Variants in DNAH5 observed in about 807,000 individuals in gnomAD.
DNAH5 encodes dynein axonemal heavy chain 5.
Under a neutral mutation model 518.2 loss-of-function variants are expected in DNAH5, and 372 were observed. That is an observed-to-expected ratio of 0.72 (90% CI 0.66 to 0.78). The LOEUF (loss-of-function observed/expected upper bound fraction) is 0.78. Among genes scored for constraint, DNAH5 ranks in the 30% least tolerant of loss-of-function variants. The pLI is 0.00. For missense variants in DNAH5, 5,523 were observed against 5,687.0 expected, an observed-to-expected ratio of 0.97 and a Z score of 0.93; for synonymous variants, 2,039 against 2,025.9, an observed-to-expected ratio of 1.01 and a Z score of -0.17.
At chr5:13,940,008 A>G (rs1779311647) in intron 1 of DNAH5, among the ~76,000 whole-genome samples, 1 of 151,946 alleles carries the variant, frequency 6.6e-6, no homozygotes, top group Non-Finnish European at 1.5e-5. Flanking sequence ...CATCCTGTCT[A>G]TTTTTGCTGG....
intron 61 of DNAH5, among the ~76,000 whole-genome samples, chr5:13,756,961 G>C (rs1751079027): frequency 6.6e-6 from 1 of 152,156 alleles, no homozygotes. Flanking sequence ...GTGGCATTTG[G>C]TTTTTCAGTT....
Position 13,737,258 on chromosome 5 carries a change from T to G in DNAH5, c.11449A>C (p.Arg3817=). 6.2e-7 allele frequency: 1 copy of G among 1,614,126 alleles called. No homozygotes were observed. Among genetic ancestry groups the G allele is most frequent in the Non-Finnish European group, 8.5e-7 (1 of 1,179,984 alleles). The change falls in exon 66 of 79, where the codon AGA becomes CGA. Residue 3817 remains arginine, a synonymous_variant. Coordinates refer to ENST00000265104, the MANE Select transcript of DNAH5 (RefSeq NM_001369.3). The part of the protein sequence containing the change: ...VQINSAREEY[R]PVATRGSILY... ...CTTTCATTACCAAACTCACCAGGTCTGTATTCCTCCCGGGCTGAGTTAATT... is the reference window on the plus strand; with the variant it reads ...CTTTCATTACCAAACTCACCAGGTCGGTATTCCTCCCGGGCTGAGTTAATT...
chr5:13,831,134 ACCC>A (rs1350541231), intron 35 of DNAH5, among the ~76,000 whole-genome samples: 3 of 152,204 alleles, frequency 2.0e-5, no homozygotes, highest in African/African-American at 4.8e-5. Flanking sequence ...GCAGAAATCT[ACCC>A]CCATCTAAAA....
chr5:14,000,360 C>G (rs1784268410), intron 1 of DNAH5, among the ~76,000 whole-genome samples: 1 of 152,214 alleles, frequency 6.6e-6, no homozygotes, highest in Admixed American at 6.5e-5. Flanking sequence ...ACGGCCCTTG[C>G]CAACACCTGG....
chr5:13,789,493 A>G (rs1024861161), intron 50 of DNAH5, among the ~76,000 whole-genome samples: 2 of 152,248 alleles, frequency 1.3e-5, no homozygotes, highest in African/African-American at 4.8e-5. Flanking sequence ...TATGTAAGCA[A>G]GAATAACAAA....
chr5:13,776,655 C>A lies in DNAH5; in HGVS notation c.9157G>T (p.Ala3053Ser), dbSNP rs1244861228. Residue 3053 changes from alanine (A) to serine (S), a missense_variant, in exon 55 of 79, where the codon GCA becomes TCA. Physicochemically the swap from Ala to Ser is moderately conservative, Grantham distance 99 (BLOSUM62 1). Coordinates refer to ENST00000265104, the MANE Select transcript of DNAH5 (RefSeq NM_001369.3). ...DEIDEINSDL[A>S]SVMKKEFPRC... ...GGGAATTCTTTTTTCATGACTGATG[C>A]CAGGTCGCTATTAATTTCATCAATT... 6.2e-7 allele frequency: 1 copy of A among 1,613,756 alleles called. No homozygotes were observed. Among genetic ancestry groups the A allele is most frequent in the South Asian group, 1.1e-5 (1 of 91,074 alleles).
intron 25 of DNAH5, among the ~76,000 whole-genome samples, chr5:13,866,574 A>T (rs927102672): frequency 2.0e-5 from 3 of 152,188 alleles, no homozygotes. Context: ...CCTGTTCTAT[A>T]AGAAGCACAT....
chr5:13,917,031 T>C, intron 8 of DNAH5, 112 bp downstream of exon 8: 1 of 830,668 alleles, frequency 1.2e-6, no homozygotes. Flanking sequence ...AAATAAAGTT[T>C]CTAAGACCTT....
Position 13,768,998 on chromosome 5 carries a change from C to T in DNAH5, c.9859G>A (p.Ala3287Thr), listed in dbSNP as rs750348620. 4 of 1,614,188 alleles carry T rather than the reference C, an allele frequency of 2.5e-6. No homozygotes were observed. The highest frequency in any genetic ancestry group is 4.5e-5 in the East Asian group (2 of 44,878). Reference protein sequence around the residue: ...KAIAEEKLEAAKPALEEAEAA... With the variant: ...KAIAEEKLEATKPALEEAEAA... ...TCTGCCTCTTCTAAAGCTGGTTTTG[C>T]TGCTTCCAGTTTTTCTTCAGCAATG... The change falls in exon 58 of 79, where the codon GCA becomes ACA. Residue 3287 changes from alanine (A) to threonine (T), a missense_variant. Ala to Thr is a moderately conservative substitution (Grantham distance 58, BLOSUM62 0). Around this residue, in one of 3 missense-constraint regions of DNAH5, gnomAD observed 5,121 missense variants for 5,223.3 expected, o/e 0.98. Coordinates refer to ENST00000265104, the MANE Select transcript of DNAH5 (RefSeq NM_001369.3).
rs775577387 is a variant in DNAH5 at position 13,830,608 on chromosome 5, C to T, written c.6050G>A (p.Arg2017Gln). 21 of 1,613,988 alleles carry T rather than the reference C, an allele frequency of 1.3e-5. 1 individual carries two copies. Among genetic ancestry groups the T allele is most frequent in the Admixed American group, 1.7e-5 (1 of 59,990 alleles). Residue 2017 changes from arginine to glutamine, a missense_variant, in exon 36 of 79, where the codon CGG becomes CAG. Arg to Gln is a conservative substitution (Grantham distance 43). Coordinates refer to ENST00000265104, the MANE Select transcript of DNAH5 (RefSeq NM_001369.3). Reference sequence around the variant, plus strand: ...AATATAACCCATACCCTTAAAAATCCGTCCAAGTCCTCGGAAATCCATCTG... The same window carrying T: ...AATATAACCCATACCCTTAAAAATCTGTCCAAGTCCTCGGAAATCCATCTG... ...SDQMDFRGLGRIFKGLAQSGS... is the reference protein window; with the variant it reads ...SDQMDFRGLGQIFKGLAQSGS...
intron 49 of DNAH5, among the ~76,000 whole-genome samples, chr5:13,792,519 C>T (rs2126902925): frequency 1.3e-5 from 2 of 152,232 alleles, no homozygotes; most frequent in South Asian, 4.1e-4. Context: ...CATGAAGTTA[C>T]CTTATAATAA....
In DNAH5 at chr5:13,786,284, G is replaced by C. The variant is rs778426195; in HGVS notation, c.8715C>G (p.His2905Gln). 2.5e-6 allele frequency: 4 copies of C among 1,613,702 alleles called. No homozygotes were observed. The African/African-American group carries it at 4.0e-5, about 16-fold the overall frequency. The change falls in exon 52 of 79, where the codon CAC becomes CAG. Residue 2905 changes from histidine (H) to glutamine (Q), a missense_variant. By Grantham distance (24) the His-to-Gln change is conservative. This residue lies in a region of DNAH5 where 5,121 missense variants were observed against 5,223.3 expected (regional missense o/e 0.98). Transcript: ENST00000265104. ...GGAACATATTCAGACGCTCTTTTAG[G>C]TGACTAAAAGATTCAATTGGCTCAT... ...KIYEPIESFSHLKERLNMFLQ... is the reference protein window; with the variant it reads ...KIYEPIESFSQLKERLNMFLQ...
chr5:13,785,103 A>G (rs1310840962), intron 52 of DNAH5, among the ~76,000 whole-genome samples: 2 of 152,094 alleles, frequency 1.3e-5, no homozygotes, highest in Non-Finnish European at 2.9e-5. Flanking sequence ...CATAATGTAG[A>G]ATCAGTGGGT....
In DNAH5 at chr5:13,850,735, C is replaced by A. The variant is rs1766718203; in HGVS notation, c.5031G>T (p.Gln1677His). Residue 1677 changes from glutamine to histidine, a missense_variant, in exon 31 of 79, where the codon CAG (glutamine) becomes CAT (histidine). Around this residue, in one of 3 missense-constraint regions of DNAH5, gnomAD observed 5,121 missense variants for 5,223.3 expected, o/e 0.98. Coordinates refer to ENST00000265104, the MANE Select transcript of DNAH5 (RefSeq NM_001369.3). ...CCAGGGTCTCATCTCCAACACAGCA[C>A]TGGACTACACTGGGCACTTCATGTG... ...TRAHEVPSVV[Q>H]CCVGDETLGQ... is the part of the protein sequence containing the mutation. The A allele has an allele frequency of 1.2e-6, 2 of 1,614,094 alleles. No homozygotes were observed. The highest frequency in any genetic ancestry group is 1.7e-6 in the Non-Finnish European group (2 of 1,179,964).
intron 38 of DNAH5, among the ~76,000 whole-genome samples, chr5:13,825,986 T>C (rs1297777919): frequency 6.6e-6 from 1 of 152,208 alleles, no homozygotes; most frequent in African/African-American, 2.4e-5. Flanking sequence ...AATATTCAAA[T>C]TGAGTTTCCA....
chr5:13,755,462 T>C (rs1280584724), intron 61 of DNAH5, among the ~76,000 whole-genome samples: 2 of 152,220 alleles, frequency 1.3e-5, no homozygotes, highest in African/African-American at 4.8e-5. Flanking sequence ...GAGTTCAAAA[T>C]GCATCTGAAA....
chr5:13,977,349 T>C (rs1782331903), intron 1 of DNAH5, among the ~76,000 whole-genome samples: 1 of 152,120 alleles, frequency 6.6e-6, no homozygotes, highest in Non-Finnish European at 1.5e-5. Context: ...CACATGTCTG[T>C]CTCTCCCGTC....
intron 25 of DNAH5, 35 bp downstream of exon 25, chr5:13,867,739 C>T (rs751384170): frequency 6.6e-7 from 1 of 1,522,796 alleles, no homozygotes; most frequent in Non-Finnish European, 9.1e-7. Flanking sequence ...TTCACTCATC[C>T]CCGAAAACGC....
intron 1 of DNAH5, among the ~76,000 whole-genome samples, chr5:13,967,663 C>T (rs989452677): frequency 6.6e-6 from 1 of 152,106 alleles, no homozygotes; most frequent in Non-Finnish European, 1.5e-5. Flanking sequence ...CTGACTCTTG[C>T]TCTGGCTGTA....
Sources: gnomAD v4.1 joint callset for allele counts (sites outside exome capture counted in the v4.1 genomes callset) on GRCh38, gnomAD v4.1.1 for gene constraint, gnomAD v4.1.1 regional missense constraint, MANE v1.5 for transcripts, NCBI Gene and HGNC (gene_info 2026-07-23, HGNC 2026-07-21) for gene names.